Variants in AFF1 observed in about 807,000 individuals in gnomAD.
AFF1 encodes ALF transcription elongation factor 1.
A neutral mutation model predicts 121.7 loss-of-function variants in AFF1; 48 were observed. The observed-to-expected ratio is 0.39, with a 90% confidence interval of 0.31 to 0.50. The LOEUF is 0.50. AFF1 is among the 20% of genes least tolerant of loss of function. AFF1 has a pLI of 0.76. For missense variants in AFF1, 1,523 were observed against 1,511.7 expected (o/e 1.01, Z -0.12); for synonymous variants, 613 against 563.0 (o/e 1.09, Z -1.26).
rs1298907742 is a variant in AFF1, at chr4:87,114,898, G to A, written c.2065G>A (p.Ala689Thr). Residue 689 changes from alanine to threonine, a missense_variant, in exon 12 of 21, where the codon GCT (alanine) becomes ACT (threonine). By Grantham distance (58) the Ala-to-Thr change is moderately conservative. Coordinates refer to ENST00000395146, the MANE Select transcript of AFF1 (RefSeq NM_001166693.3). ...HKSSLPAPSKALSGPEPAKDN... is the reference protein window; with the variant it reads ...HKSSLPAPSKTLSGPEPAKDN... ...GAGCTCCCTCCCTGCCCCCTCTAAG[G>A]CTCTCTCAGGCCCAGAACCCGCGAA... 6.2e-7 allele frequency: 1 copy of A among 1,612,580 alleles called. No individual in the cohort carries two copies. The highest frequency in any genetic ancestry group is 2.2e-5 in the East Asian group (1 of 44,872).
At chr4:87,023,507 A>G (rs1228040976) in intron 2 of AFF1, among the ~76,000 whole-genome samples, 1 of 152,222 alleles carries the variant, frequency 6.6e-6, no homozygotes, top group Non-Finnish European at 1.5e-5. Flanking sequence ...TAATTCAACA[A>G]TGACTTTTTT....
intron 15 of AFF1, 140 bp from the exon 16 acceptor site, chr4:87,127,503 T>C (rs1728399864): frequency 1.3e-6 from 1 of 753,636 alleles, no homozygotes; most frequent in Admixed American, 2.5e-5. Flanking sequence ...CTCCCCTCCT[T>C]ATTTCCACTT....
intron 17 of AFF1, 31 bp downstream of exon 17, chr4:87,131,250 A>C: frequency 6.2e-7 from 1 of 1,611,810 alleles, no homozygotes; most frequent in Non-Finnish European, 8.5e-7. Context: ...CTTTCCTCTT[A>C]AGTCCTTTTC....
chr4:86,956,953 A>G (rs1174803375), intron 2 of AFF1, among the ~76,000 whole-genome samples: 1 of 152,114 alleles, frequency 6.6e-6, no homozygotes, highest in Non-Finnish European at 1.5e-5. Context: ...AGTCATCTTT[A>G]TTTTAAGCTC....
chr4:87,005,042 C>T (rs954264508), intron 2 of AFF1, among the ~76,000 whole-genome samples: 7 of 152,226 alleles, frequency 4.6e-5, no homozygotes, highest in African/African-American at 1.7e-4. Flanking sequence ...GAGTCTTACT[C>T]TGTCACCCAG....
intron 6 of AFF1, among the ~76,000 whole-genome samples, chr4:87,091,175 C>T (rs561917897): frequency 3.9e-5 from 6 of 151,958 alleles, no homozygotes; most frequent in South Asian, 4.1e-4. Flanking sequence ...GAGGCTGAGG[C>T]GGGTGGATCA....
At chr4:87,122,941 C>A (rs937075516) in intron 12 of AFF1, among the ~76,000 whole-genome samples, 6 of 149,224 alleles carry the variant, frequency 4.0e-5, no homozygotes, top group Non-Finnish European at 5.9e-5. Context: ...GATGCCCAGG[C>A]TGGAGTGCAG....
intron 2 of AFF1, among the ~76,000 whole-genome samples, chr4:86,998,481 C>T (rs941648307): frequency 1.3e-5 from 2 of 152,084 alleles, no homozygotes; most frequent in African/African-American, 4.8e-5. Flanking sequence ...TTTTAAATAC[C>T]CAGAAGAAAA....
At chr4:87,084,561 T>TA (rs1364601851) in intron 5 of AFF1, among the ~76,000 whole-genome samples, 21 of 74,726 alleles carry the variant, frequency 2.8e-4, no homozygotes, top group African/African-American at 9.7e-4. Flanking sequence ...AATAAATAAA[T>TA]AAATAAATAA....
chr4:87,006,597 G>C (rs1297924713), intron 2 of AFF1, among the ~76,000 whole-genome samples: 6 of 152,234 alleles, frequency 3.9e-5, no homozygotes, highest in Admixed American at 3.9e-4. Flanking sequence ...TCAAGCACTG[G>C]AAGGATCAAA....
At chr4:87,106,607 A>C (rs1206630171) in intron 10 of AFF1, among the ~76,000 whole-genome samples, 1 of 152,242 alleles carries the variant, frequency 6.6e-6, no homozygotes, top group African/African-American at 2.4e-5. Flanking sequence ...GACCAGCAGT[A>C]CATTTTAGTG....
chr4:87,110,442 TTTTG>T (rs1473441820), intron 11 of AFF1, among the ~76,000 whole-genome samples: 5 of 1,204 alleles, frequency 4.2e-3, no homozygotes, highest in Non-Finnish European at 0.014. Flanking sequence ...GTTCTGGTTT[TTTTG>T]TTTTGTTTTG....
intron 4 of AFF1, among the ~76,000 whole-genome samples, chr4:87,052,462 G>A (rs1210155486): frequency 6.6e-6 from 1 of 151,936 alleles, no homozygotes; most frequent in Non-Finnish European, 1.5e-5. Context: ...AGAAATGAGG[G>A]GAGTATGGCT....
At chr4:87,039,282 C>T (rs1048693233) in intron 2 of AFF1, among the ~76,000 whole-genome samples, 5 of 152,226 alleles carry the variant, frequency 3.3e-5, no homozygotes, top group African/African-American at 1.2e-4. Flanking sequence ...TTAAACACAT[C>T]CATCCCTACC....
chr4:87,118,401 G>A (rs1267703628), intron 12 of AFF1, among the ~76,000 whole-genome samples: 7 of 152,222 alleles, frequency 4.6e-5, no homozygotes, highest in African/African-American at 7.2e-5. Context: ...ACCTCACGTC[G>A]TGTTCTTTAC....
intron 4 of AFF1, among the ~76,000 whole-genome samples, chr4:87,069,403 CTG>C (rs1312051849): frequency 2.1e-5 from 3 of 143,962 alleles, no homozygotes; most frequent in Non-Finnish European, 3.0e-5. Flanking sequence ...CCTCTCTTTT[CTG>C]TCTCTCCCTC....
intron 12 of AFF1, among the ~76,000 whole-genome samples, chr4:87,119,725 G>A (rs1218746353): frequency 6.6e-6 from 1 of 152,180 alleles, no homozygotes; most frequent in African/African-American, 2.4e-5. Context: ...TCATTTAGAT[G>A]AATAACTGAA....
intron 16 of AFF1, among the ~76,000 whole-genome samples, chr4:87,130,468 G>A (rs184141330): frequency 6.2e-4 from 95 of 152,296 alleles, no homozygotes; most frequent in Non-Finnish European, 6.8e-4. Context: ...TGTATTCAGG[G>A]TGTAGGGTGA....
intron 2 of AFF1, among the ~76,000 whole-genome samples, chr4:87,016,483 C>T (rs926338647): frequency 5.2e-4 from 78 of 149,280 alleles, no homozygotes; most frequent in African/African-American, 1.8e-3. Context: ...CCTGGGAGGG[C>T]GGAGCTTGCA....
Sources: allele counts gnomAD v4.1 joint callset (sites outside exome capture counted in the v4.1 genomes callset), GRCh38; gene constraint gnomAD v4.1.1; transcripts MANE v1.5; gene names NCBI Gene and HGNC (gene_info 2026-07-23, HGNC 2026-07-21).